The following NHSL3 variants were observed in gnomAD, a reference collection of about 807,000 sequenced individuals.
NHSL3 encodes NHS-like protein 3.
the NHSL3 span, among the ~76,000 whole-genome samples, chr1:32,756,470 A>ACCG: frequency 5.9e-5 from 3 of 50,542 alleles, no homozygotes; most frequent in African/African-American, 7.7e-5. Flanking sequence ...ACATGACGAG[A>ACCG]CCCCCCCCCC....
At chr1:32,762,114 A>G in the NHSL3 span, among the ~76,000 whole-genome samples, 1 of 152,194 alleles carries the variant, frequency 6.6e-6, no homozygotes, top group African/African-American at 2.4e-5. Context: ...ATTATTGTTT[A>G]GATCTCATTG....
chr1:32,755,957 C>T, the NHSL3 span, among the ~76,000 whole-genome samples: 1 of 152,156 alleles, frequency 6.6e-6, no homozygotes, highest in Non-Finnish European at 1.5e-5. Context: ...TGGGCCCAGA[C>T]TTGTGACCAT....
At chr1:32,746,323 C>G in the NHSL3 span, among the ~76,000 whole-genome samples, 1 of 151,616 alleles carries the variant, frequency 6.6e-6, no homozygotes, top group Admixed American at 6.6e-5. Flanking sequence ...GGACTCTAGA[C>G]AAGTGTGTGG....
chr1:32,772,988 T>TA, the NHSL3 span: 1 of 1,161,738 alleles, frequency 8.6e-7, no homozygotes, highest in Non-Finnish European at 1.3e-6. Context: ...CACAACCTAA[T>TA]AGAGAGGGCG....
At chr1:32,768,263 G>A in the NHSL3 span, 1 of 713,534 alleles carries the variant, frequency 1.4e-6, no homozygotes, top group Non-Finnish European at 2.5e-6. Flanking sequence ...GGGTTGCTCA[G>A]TGCTAGGTGA....
the NHSL3 span, chr1:32,773,167 GGTGGCTGCGCCCCCTGCTGGCCCT>G: frequency 1.9e-6 from 1 of 525,762 alleles, no homozygotes; most frequent in Non-Finnish European, 3.4e-6. Flanking sequence ...GGCGGGAGAG[GGTGGCTGCGCCCCCTGCTGGCCCT>G]GAGGCTGCAG....
At chr1:32,768,736 G>A in the NHSL3 span, 46 of 1,614,018 alleles carry the variant, frequency 2.9e-5, no homozygotes, top group South Asian at 2.1e-4. Flanking sequence ...CACAGCAGAG[G>A]ACGCGCTCTC....
the NHSL3 span, chr1:32,769,997 T>C: frequency 6.2e-7 from 1 of 1,604,378 alleles, no homozygotes; most frequent in South Asian, 1.1e-5. Context: ...GGGGCCCGGG[T>C]GTCCCTGCAG....
At chr1:32,760,824 C>T in the NHSL3 span, among the ~76,000 whole-genome samples, 3 of 152,106 alleles carry the variant, frequency 2.0e-5, no homozygotes, top group African/African-American at 7.2e-5. Flanking sequence ...CTCCTGACCT[C>T]GCGATCCACC....
At chr1:32,771,223 C>T in the NHSL3 span, 1,803 of 1,613,098 alleles carry the variant, frequency 1.1e-3, 14 homozygotes, top group Middle Eastern at 3.3e-3. Flanking sequence ...GAGCCCTAAC[C>T]CAGCTGCCCC....
At chr1:32,764,016 C>G in the NHSL3 span, among the ~76,000 whole-genome samples, 2 of 152,128 alleles carry the variant, frequency 1.3e-5, no homozygotes, top group Non-Finnish European at 2.9e-5. Flanking sequence ...TGAGTCACCA[C>G]GCCTGGGTAA....
At chr1:32,751,133 G>A in the NHSL3 span, among the ~76,000 whole-genome samples, 1 of 152,126 alleles carries the variant, frequency 6.6e-6, no homozygotes, top group Admixed American at 6.5e-5. Context: ...TTCTAAGAGG[G>A]TCACGAGGCA....
the NHSL3 span, chr1:32,771,802 G>A: frequency 6.2e-7 from 1 of 1,613,036 alleles, no homozygotes; most frequent in Non-Finnish European, 8.5e-7. Context: ...GGAGGACGTA[G>A]GTGCGCCCCT....
At chr1:32,750,036 C>T in the NHSL3 span, among the ~76,000 whole-genome samples, 5 of 152,264 alleles carry the variant, frequency 3.3e-5, no homozygotes, top group South Asian at 4.1e-4. Flanking sequence ...CTAAAGAAAA[C>T]GAATAAGAGG....
chr1:32,744,163 TC>T, the NHSL3 span, among the ~76,000 whole-genome samples: 3 of 151,776 alleles, frequency 2.0e-5, no homozygotes, highest in African/African-American at 7.3e-5. Flanking sequence ...TCCTGGGAGG[TC>T]AGGGATCTTT....
chr1:32,758,312 CCTT>C, the NHSL3 span, among the ~76,000 whole-genome samples: 3 of 152,076 alleles, frequency 2.0e-5, no homozygotes, highest in East Asian at 3.9e-4. Context: ...ACATGGCCCT[CCTT>C]CTGGTTGGAT....
the NHSL3 span, chr1:32,772,781 G>C: frequency 7.6e-7 from 1 of 1,321,608 alleles, no homozygotes; most frequent in Non-Finnish European, 1.1e-6. Context: ...AGAAGGTTGG[G>C]TGAGGGTATG....
At chr1:32,765,828 G>C in the NHSL3 span, 1 of 1,546,270 alleles carries the variant, frequency 6.5e-7, no homozygotes, top group Non-Finnish European at 8.7e-7. Flanking sequence ...AAGAAGAAGG[G>C]TGAGTGGGTG....
chr1:32,747,567 G>A, the NHSL3 span, among the ~76,000 whole-genome samples: 1 of 152,082 alleles, frequency 6.6e-6, no homozygotes, highest in Non-Finnish European at 1.5e-5. Flanking sequence ...TGTAGGGGCT[G>A]GGGGCTAGGC....
Sources: allele counts gnomAD v4.1 joint callset (sites outside exome capture counted in the v4.1 genomes callset), GRCh38; gene constraint gnomAD v4.1.1; transcripts MANE v1.5; gene names NCBI Gene and HGNC (gene_info 2026-07-23, HGNC 2026-07-21).